The following DZIP3 variants were observed in gnomAD, a reference collection of about 807,000 sequenced individuals.
DZIP3 encodes DAZ interacting zinc finger protein 3, also known as E3 ubiquitin-protein ligase DZIP3.
DZIP3 carries 118 observed loss-of-function variants against 162.0 expected under a neutral mutation model. The ratio of observed to expected loss-of-function variants is 0.73; its 90% CI spans 0.63 to 0.85. The LOEUF is 0.85. Ranked by LOEUF, DZIP3 falls within the 40% of genes least tolerant of loss-of-function variation. The probability of loss-of-function intolerance (pLI) is 0.00; values close to 1 mark genes in which losing one functional copy is unlikely to be tolerated. For missense variants in DZIP3, 1,331 were observed against 1,407.0 expected (o/e 0.95, Z 0.86); for synonymous variants, 438 against 458.6 (o/e 0.96, Z 0.57).
chr3:108,624,425 C>G lies in DZIP3; in HGVS notation c.376-19C>G, dbSNP rs778144529. On this transcript the variant is annotated intron_variant, in intron 5 of 32. Transcript: ENST00000361582. The stretch of plus-strand genomic sequence containing the variant: ...TAGCTTAGTCTAAATAACCAATTAA[C>G]ATATTTTTTTCTTTGTAGGCACACC... The G allele has an allele frequency of 7.1e-7, 1 of 1,405,826 alleles. No individual in the cohort carries two copies. Among genetic ancestry groups the G allele is most frequent in the Non-Finnish European group, 1.0e-6 (1 of 997,154 alleles). 87.1% of individuals were successfully genotyped at this position (1,405,826 alleles called of 1,614,324 possible).
intron 19 of DZIP3, among the ~76,000 whole-genome samples, chr3:108,655,292 G>A (rs1178415404): frequency 2.0e-5 from 3 of 152,162 alleles, no homozygotes; most frequent in Non-Finnish European, 4.4e-5. Context: ...TAGTGGATAA[G>A]TTGAACATTA....
In DZIP3 at chr3:108,693,963, A is replaced by C. The variant is rs912788388; in HGVS notation, c.*610A>C. The stretch of plus-strand genomic sequence containing the variant: ...TTTAGGGGTCAAAAACCTATTTTGA[A>C]AATAGTGTTGTGTGAATGCTGTAAG... On this transcript the variant is annotated 3_prime_UTR_variant, in exon 33 of 33. Transcript: ENST00000361582. The C allele has an allele frequency of 6.6e-6, 1 of 152,174 alleles. No homozygotes were observed. The highest frequency in any genetic ancestry group is 6.5e-5 in the Admixed American group (1 of 15,276). The allele number at this position is 152,174 out of a possible 1,614,324, so 9.4% of individuals were successfully genotyped here. A position where few individuals can be genotyped will look rare whatever the true frequency, so the allele number is the denominator to read the frequency against.
intron 6 of DZIP3, 23 bp from the exon 7 acceptor site, chr3:108,625,822 A>G (rs775635903): frequency 1.9e-6 from 3 of 1,559,122 alleles, no homozygotes; most frequent in Non-Finnish European, 2.6e-6. Flanking sequence ...ACAGTAGCCA[A>G]ACCTAGTTTT....
chr3:108,590,005 A>C (rs1939291453), intron 1 of DZIP3, 166 bp downstream of exon 1: 1 of 152,158 alleles, frequency 6.6e-6, no homozygotes. Flanking sequence ...CCCTGACCAA[A>C]GTATTTGTCA....
chr3:108,610,438 T>C (rs776662375), intron 3 of DZIP3, among the ~76,000 whole-genome samples: 11 of 152,342 alleles, frequency 7.2e-5, no homozygotes, highest in South Asian at 2.1e-4. Flanking sequence ...TGGTTTCTAC[T>C]TACTTTCCTG....
intron 13 of DZIP3, among the ~76,000 whole-genome samples, chr3:108,643,607 A>G (rs1405083195): frequency 6.6e-6 from 1 of 150,688 alleles, no homozygotes; most frequent in Non-Finnish European, 1.5e-5. Flanking sequence ...TGAGCTATCT[A>G]GTATAGCAGT....
intron 1 of DZIP3, among the ~76,000 whole-genome samples, chr3:108,596,608 A>G (rs1031506317): frequency 1.3e-5 from 2 of 152,146 alleles, no homozygotes; most frequent in African/African-American, 2.4e-5. Flanking sequence ...CTTGACTTCT[A>G]AAGGAGAATT....
chr3:108,636,279 A>G (rs1167412154), intron 10 of DZIP3, among the ~76,000 whole-genome samples: 2 of 151,992 alleles, frequency 1.3e-5, no homozygotes, highest in Admixed American at 1.3e-4. Context: ...CCTTTTCCCT[A>G]GAATCCTCAC....
intron 4 of DZIP3, among the ~76,000 whole-genome samples, chr3:108,616,007 G>A (rs1343949508): frequency 1.3e-5 from 2 of 152,236 alleles, no homozygotes; most frequent in South Asian, 2.1e-4. Context: ...GCTCACGCCT[G>A]TAATCCCAGC....
intron 26 of DZIP3, among the ~76,000 whole-genome samples, chr3:108,682,580 A>G (rs1199149627): frequency 2.0e-5 from 3 of 150,800 alleles, no homozygotes; most frequent in Non-Finnish European, 4.4e-5. Flanking sequence ...TCATAAAATT[A>G]ATGAAAAAAC....
In DZIP3 at chr3:108,651,171, T is replaced by G. The variant is rs768966473; in HGVS notation, c.2033+9T>G. On this transcript the variant is annotated intron_variant, in intron 18 of 32. Coordinates refer to ENST00000361582, the MANE Select transcript of DZIP3 (RefSeq NM_014648.4). ...TCAAAAGAAGACCAAGTGTAAGTAT[T>G]AGTTTATTTAATTTTTAAATTTTTC... is the stretch of plus-strand genomic sequence containing the variant. The G allele has an allele frequency of 1.4e-6, 1 of 723,672 alleles. No homozygotes were observed. Among genetic ancestry groups the G allele is most frequent in the East Asian group, 9.0e-5 (1 of 11,070 alleles). The allele number at this position is 723,672 out of a possible 1,614,324, so 44.8% of individuals were successfully genotyped here.
intron 6 of DZIP3, among the ~76,000 whole-genome samples, chr3:108,624,884 C>T (rs1223163720): frequency 6.6e-6 from 1 of 151,978 alleles, no homozygotes; most frequent in Non-Finnish European, 1.5e-5. Context: ...TTGAATTTAA[C>T]ATTTCCTTTT....
chr3:108,631,055 A>ACACACACACACACACACACACACACT, intron 8 of DZIP3, among the ~76,000 whole-genome samples: 9 of 18,014 alleles, frequency 5.0e-4, no homozygotes, highest in Non-Finnish European at 5.4e-4. Flanking sequence ...ACACACACAC[A>ACACACACACACACACACACACACACT]CTCTCTCTCT....
intron 5 of DZIP3, among the ~76,000 whole-genome samples, chr3:108,621,293 A>T (rs1482388995): frequency 3.0e-4 from 45 of 152,280 alleles, no homozygotes; most frequent in Non-Finnish European, 1.5e-5. Flanking sequence ...AGTTTTTAAA[A>T]AATTTTATTT....
At chr3:108,662,729 C>G (rs1447701523) in intron 21 of DZIP3, among the ~76,000 whole-genome samples, 1 of 152,082 alleles carries the variant, frequency 6.6e-6, no homozygotes, top group Admixed American at 6.6e-5. Context: ...CCCCCCTTAC[C>G]CCAATCTCTT....
chr3:108,634,373 G>T (rs1193077185), intron 9 of DZIP3, among the ~76,000 whole-genome samples: 1 of 152,168 alleles, frequency 6.6e-6, no homozygotes, highest in Non-Finnish European at 1.5e-5. Context: ...AAGCAAGGTT[G>T]TAGTTTCCAG....
intron 9 of DZIP3, among the ~76,000 whole-genome samples, chr3:108,634,622 G>GAATATGGAAAATATATTAATTTTTTCA (rs1251152479): frequency 6.6e-6 from 1 of 152,016 alleles, no homozygotes; most frequent in Non-Finnish European, 1.5e-5. Flanking sequence ...GTTGTACGTA[G>GAATATGGAAAATATATTAATTTTTTCA]AATATGGAAA....
chr3:108,687,874 T>C (rs1944550442), intron 28 of DZIP3, 102 bp from the exon 29 acceptor site: 10 of 1,476,488 alleles, frequency 6.8e-6, no homozygotes, highest in Non-Finnish European at 8.4e-6. Context: ...GTATGCTACA[T>C]ATCAATCATG....
intron 19 of DZIP3, among the ~76,000 whole-genome samples, chr3:108,656,843 G>A (rs950505765): frequency 6.6e-6 from 1 of 152,204 alleles, no homozygotes; most frequent in Non-Finnish European, 1.5e-5. Context: ...TGTGACGAAT[G>A]CACAAGCCTC....
Sources: gnomAD v4.1 joint callset for allele counts (sites outside exome capture counted in the v4.1 genomes callset) on GRCh38, gnomAD v4.1.1 for gene constraint, MANE v1.5 for transcripts, NCBI Gene and HGNC (gene_info 2026-07-23, HGNC 2026-07-21) for gene names.